FER1L6: variants seen among roughly 807,000 people sequenced by gnomAD.
FER1L6 encodes the protein fer-1-like protein 6.
Under a neutral mutation model 219.2 loss-of-function variants are expected in FER1L6, and 177 were observed. That is an observed-to-expected ratio of 0.81 (90% confidence interval 0.71 to 0.91). The LOEUF is 0.91. Among genes scored for constraint, FER1L6 ranks in the 40% least tolerant of loss-of-function variants. FER1L6 has a pLI of 0.00. For synonymous variants in FER1L6, 768 were observed against 824.3 expected (o/e 0.93, Z 1.17); for missense variants, 2,153 against 2,259.9 (o/e 0.95, Z 0.96).
chr8:123,864,105 G>A, intron 1 of FER1L6, among the ~76,000 whole-genome samples: 1 of 149,060 alleles, frequency 6.7e-6, no homozygotes, highest in East Asian at 1.9e-4. Flanking sequence ...GCATGATTTT[G>A]CAGCGGCTGG....
At chr8:124,094,762 C>A (rs981207661) in intron 34 of FER1L6, 134 bp from the exon 35 acceptor site, 3 of 970,706 alleles carry the variant, frequency 3.1e-6, no homozygotes, top group African/African-American at 3.2e-5. Flanking sequence ...GCTGGGATTA[C>A]AGGTGTGAAC....
intron 1 of FER1L6, among the ~76,000 whole-genome samples, chr8:123,893,405 C>CT (rs917578926): frequency 1.1e-4 from 17 of 152,098 alleles, no homozygotes; most frequent in African/African-American, 3.9e-4. Context: ...ATTTTTATGA[C>CT]TTTTTTCTGT....
chr8:124,061,622 G>T (rs1190129892), intron 24 of FER1L6, among the ~76,000 whole-genome samples: 3 of 152,156 alleles, frequency 2.0e-5, no homozygotes, highest in African/African-American at 7.2e-5. Context: ...GAGGTGAGAG[G>T]TTTTGTAATT....
At chr8:123,919,730 A>G (rs1586465801) in intron 1 of FER1L6, among the ~76,000 whole-genome samples, 1 of 152,300 alleles carries the variant, frequency 6.6e-6, no homozygotes, top group East Asian at 1.9e-4. Context: ...ATTTGGGTTT[A>G]TTAATAATGT....
intron 1 of FER1L6, among the ~76,000 whole-genome samples, chr8:123,856,025 A>ATATGTATATGAGATATATGTATATACT (rs1491149243): frequency 4.2e-4 from 59 of 140,444 alleles, no homozygotes; most frequent in African/African-American, 1.5e-3. Context: ...ATGTATATAC[A>ATATGTATATGAGATATATGTATATACT]TATGTATATG....
chr8:124,029,662 T>C (rs1818872233), intron 18 of FER1L6, among the ~76,000 whole-genome samples: 1 of 152,226 alleles, frequency 6.6e-6, no homozygotes, highest in Non-Finnish European at 1.5e-5. Flanking sequence ...TTCTGGATAT[T>C]AGACCTTTGT....
chr8:123,896,194 G>A (rs1018128131), intron 1 of FER1L6, among the ~76,000 whole-genome samples: 7 of 152,142 alleles, frequency 4.6e-5, no homozygotes, highest in Non-Finnish European at 1.0e-4. Flanking sequence ...TGAGGGCTGT[G>A]GGTTACACAG....
At chr8:123,995,074 C>T (rs1817065237) in intron 12 of FER1L6, among the ~76,000 whole-genome samples, 1 of 152,196 alleles carries the variant, frequency 6.6e-6, no homozygotes, top group African/African-American at 2.4e-5. Flanking sequence ...ACAGTTTAGG[C>T]TGCAGCCCAC....
chr8:124,055,174 C>G (rs1586646167), intron 22 of FER1L6, among the ~76,000 whole-genome samples: 1 of 152,264 alleles, frequency 6.6e-6, no homozygotes, highest in African/African-American at 2.4e-5. Flanking sequence ...CCTGGTGGTT[C>G]ACGCCTGTAA....
intron 38 of FER1L6, among the ~76,000 whole-genome samples, chr8:124,101,989 A>G (rs1442445563): frequency 2.0e-5 from 3 of 152,196 alleles, no homozygotes; most frequent in Non-Finnish European, 4.4e-5. Context: ...TTGTCTAAAA[A>G]CCTGGAATCA....
intron 1 of FER1L6, among the ~76,000 whole-genome samples, chr8:123,916,548 CA>C (rs1363348758): frequency 6.6e-6 from 1 of 152,104 alleles, no homozygotes; most frequent in Non-Finnish European, 1.5e-5. Flanking sequence ...AGATTGAGTT[CA>C]TTGGATTGCA....
chr8:124,090,687 G>A (rs560013131), intron 33 of FER1L6, among the ~76,000 whole-genome samples: 208 of 152,312 alleles, frequency 1.4e-3, no homozygotes, highest in Non-Finnish European at 2.1e-3. Flanking sequence ...GTCCTGGCTT[G>A]TAGGGAGTGC....
At chr8:123,870,289 G>C (rs965281082) in intron 1 of FER1L6, among the ~76,000 whole-genome samples, 3 of 152,134 alleles carry the variant, frequency 2.0e-5, no homozygotes, top group African/African-American at 4.8e-5. Flanking sequence ...CAGCAATCAT[G>C]CTTCTAGGTA....
chr8:124,043,202 A>T (rs1819579751), intron 20 of FER1L6, among the ~76,000 whole-genome samples: 1 of 152,178 alleles, frequency 6.6e-6, no homozygotes, highest in Admixed American at 6.5e-5. Context: ...TGAGCACCTG[A>T]TGTGTGCCAA....
Position 123,975,220 on chromosome 8 carries a change from C to T in FER1L6, c.597C>T (p.Tyr199=). Residue 199 remains tyrosine (Y), a synonymous_variant, in exon 8 of 41, where the codon TAC becomes TAT. Transcript: ENST00000522917. Reference sequence around the variant, plus strand: ...ACATCAGGACTGGCACCAAGGGGTACCTGAAATGTGACATCAGTGTCATGG... The same window carrying T: ...ACATCAGGACTGGCACCAAGGGGTATCTGAAATGTGACATCAGTGTCATGG... The part of the protein sequence containing the change: ...PGDIRTGTKG[Y]LKCDISVMGK... The T allele has an allele frequency of 1.2e-6, 2 of 1,612,918 alleles. No individual in the cohort carries two copies. The highest frequency in any genetic ancestry group is 1.3e-5 in the African/African-American group (1 of 74,966).
chr8:124,016,932 A>C (rs796835573), intron 15 of FER1L6, among the ~76,000 whole-genome samples: 2 of 152,176 alleles, frequency 1.3e-5, no homozygotes, highest in African/African-American at 4.8e-5. Context: ...GGTGCTATCA[A>C]ATAGCCTCTA....
chr8:124,098,984 A>T (rs1822429955), intron 37 of FER1L6, among the ~76,000 whole-genome samples: 1 of 152,222 alleles, frequency 6.6e-6, no homozygotes, highest in African/African-American at 2.4e-5. Flanking sequence ...CATTTGTCAC[A>T]TCTAAGCATC....
intron 11 of FER1L6, 80 bp downstream of exon 11, chr8:123,980,891 A>G: frequency 8.2e-7 from 1 of 1,217,276 alleles, no homozygotes; most frequent in Non-Finnish European, 1.1e-6. Flanking sequence ...AGGTTCCTGA[A>G]GGTGTTGTCA....
At chr8:123,858,414 G>A (rs1816685746) in intron 1 of FER1L6, among the ~76,000 whole-genome samples, 1 of 152,192 alleles carries the variant, frequency 6.6e-6, no homozygotes, top group Non-Finnish European at 1.5e-5. Flanking sequence ...AGTGCTAGCT[G>A]CTGTAACAGA....
Sources: gnomAD v4.1 joint callset for allele counts (sites outside exome capture counted in the v4.1 genomes callset) on GRCh38, gnomAD v4.1.1 for gene constraint, MANE v1.5 for transcripts, NCBI Gene and HGNC (gene_info 2026-07-23, HGNC 2026-07-21) for gene names.